RALYL: variants seen among roughly 807,000 people sequenced by gnomAD.
The protein encoded by RALYL is RNA-binding Raly-like protein.
Under a neutral mutation model 35.1 loss-of-function variants are expected in RALYL, and 29 were observed. The observed-to-expected ratio is 0.83, with a 90% confidence interval of 0.61 to 1.13. The LOEUF (loss-of-function observed/expected upper bound fraction) is 1.13, where lower values mean the gene tolerates loss of function less well. RALYL is among the 50% of genes most tolerant of loss of function. The pLI is 0.00. For missense variants in RALYL, 359 were observed against 360.4 expected, an observed-to-expected ratio of 1.00 and a Z score of 0.03; for synonymous variants, 120 against 127.6, an observed-to-expected ratio of 0.94 and a Z score of 0.40.
At chr8:84,392,693 AAT>A (rs1395047172) in intron 1 of RALYL, among the ~76,000 whole-genome samples, 1 of 152,020 alleles carries the variant, frequency 6.6e-6, no homozygotes, top group Admixed American at 6.6e-5. Flanking sequence ...TGGTTACAGG[AAT>A]ATTTCCTAGT....
intron 4 of RALYL, among the ~76,000 whole-genome samples, chr8:84,830,397 T>TG (rs1209944552): frequency 6.7e-6 from 1 of 149,756 alleles, no homozygotes; most frequent in Non-Finnish European, 1.5e-5. Context: ...AAATGGGGGG[T>TG]GGGGGTCTAA....
At chr8:84,267,039 CTGAGAGAGCGTATAAACA>C (rs1282159257) in intron 1 of RALYL, among the ~76,000 whole-genome samples, 1 of 150,976 alleles carries the variant, frequency 6.6e-6, no homozygotes, top group Admixed American at 6.6e-5. Context: ...GGGACTTATA[CTGAGAGAGCGTATAAACA>C]TGAGGACTTA....
chr8:84,436,773 C>T (rs934788100), intron 1 of RALYL, among the ~76,000 whole-genome samples: 2 of 151,204 alleles, frequency 1.3e-5, no homozygotes, highest in African/African-American at 4.8e-5. Context: ...ATAAACATAT[C>T]CATGACTCTC....
chr8:84,912,675 T>A (rs2135705702), intron 8 of RALYL, among the ~76,000 whole-genome samples: 1 of 152,094 alleles, frequency 6.6e-6, no homozygotes, highest in African/African-American at 2.4e-5. Context: ...CCAAAGTAAA[T>A]CTAAAAGTAA....
At chr8:84,419,303 T>G (rs1306437119) in intron 1 of RALYL, among the ~76,000 whole-genome samples, 11 of 152,146 alleles carry the variant, frequency 7.2e-5, no homozygotes, top group Admixed American at 7.2e-4. Context: ...CTTTTGGTAT[T>G]AACGTCTGTC....
At chr8:84,596,148 GAGA>G (rs35385007) in intron 2 of RALYL, among the ~76,000 whole-genome samples, 28,462 of 151,908 alleles carry the variant, frequency 0.19, 2,929 homozygotes, top group Non-Finnish European at 0.23. Flanking sequence ...TGTAAATTTT[GAGA>G]AGATGTCAGG....
intron 1 of RALYL, among the ~76,000 whole-genome samples, chr8:84,253,611 G>A (rs902798563): frequency 8.6e-5 from 13 of 151,944 alleles, no homozygotes; most frequent in African/African-American, 1.2e-4. Flanking sequence ...TTCAACCCCC[G>A]GGGTGCTGTT....
intron 2 of RALYL, among the ~76,000 whole-genome samples, chr8:84,641,375 T>C (rs1826283390): frequency 6.6e-6 from 1 of 151,770 alleles, no homozygotes; most frequent in South Asian, 2.1e-4. Context: ...CTGAACTATT[T>C]GTCAGATGTT....
In RALYL at chr8:84,183,396, G is replaced by C. The variant is rs1228460319; in HGVS notation, c.-1052G>C. Reference sequence around the variant, plus strand: ...GCCTCGCCAGCCAGAGTTGGGCTCCGTGGGCTTCCCCCCTCGCAGCCTCGG... The same window carrying C: ...GCCTCGCCAGCCAGAGTTGGGCTCCCTGGGCTTCCCCCCTCGCAGCCTCGG... On this transcript the variant is annotated 5_prime_UTR_variant, in exon 1 of 9. Coordinates refer to ENST00000521268, the MANE Select transcript of RALYL (RefSeq NM_173848.7). The C allele has an allele frequency of 6.5e-6, 1 of 153,712 alleles. No homozygotes were observed. The highest frequency in any genetic ancestry group is 2.4e-5 in the African/African-American group (1 of 41,458). 9.5% of individuals were successfully genotyped at this position (153,712 alleles called of 1,614,324 possible). A position where few individuals can be genotyped will look rare whatever the true frequency, so the allele number is the denominator to read the frequency against.
intron 1 of RALYL, among the ~76,000 whole-genome samples, chr8:84,301,137 T>G (rs1432239659): frequency 1.3e-5 from 2 of 152,048 alleles, no homozygotes; most frequent in South Asian, 4.1e-4. Context: ...CCTTTTTAAA[T>G]GAAGCTTAAT....
intron 1 of RALYL, among the ~76,000 whole-genome samples, chr8:84,215,851 C>T (rs866754251): frequency 7.2e-5 from 11 of 151,974 alleles, no homozygotes; most frequent in Middle Eastern, 3.2e-3. Flanking sequence ...ATAAGTAATG[C>T]GTACGCATGG....
chr8:84,585,592 C>T (rs1411436297), intron 2 of RALYL, among the ~76,000 whole-genome samples: 1 of 152,132 alleles, frequency 6.6e-6, no homozygotes, highest in Non-Finnish European at 1.5e-5. Context: ...AATGCTTCCT[C>T]AGTGACTGTT....
At chr8:84,798,159 C>T (rs531045309) in intron 3 of RALYL, among the ~76,000 whole-genome samples, 1 of 152,218 alleles carries the variant, frequency 6.6e-6, no homozygotes, top group East Asian at 1.9e-4. Context: ...TAACATGACT[C>T]CTGAATCTAT....
At chr8:84,207,660 T>C (rs1818367080) in intron 1 of RALYL, among the ~76,000 whole-genome samples, 1 of 152,036 alleles carries the variant, frequency 6.6e-6, no homozygotes, top group Non-Finnish European at 1.5e-5. Context: ...ACAGTGATTA[T>C]AGTTAATAAT....
At chr8:84,498,926 A>G (rs2056372985) in intron 1 of RALYL, among the ~76,000 whole-genome samples, 1 of 152,154 alleles carries the variant, frequency 6.6e-6, no homozygotes, top group African/African-American at 2.4e-5. Context: ...AGTTACAATT[A>G]GTTAACTCCT....
rs1278198422 is a variant in RALYL at position 84,426,469 on chromosome 8, T to TGGGG, written c.-23-102829_-23-102828insGGGG. Among the ~76,000 whole-genome samples, 11 of 147,970 alleles carry TGGGG rather than the reference T, an allele frequency of 7.4e-5. No homozygotes were observed. In the South Asian group the frequency reaches 2.6e-3, roughly 35 times the overall value. On this transcript the variant is annotated intron_variant, in intron 1 of 8. Transcript: ENST00000521268. ...GTGTGTGTGTGTGTGTGTGTGTGTG[T>TGGGG]GTGTGGGTTTAGATTTCACATATAA...
chr8:84,368,821 C>A (rs1855086256), intron 1 of RALYL, among the ~76,000 whole-genome samples: 1 of 152,102 alleles, frequency 6.6e-6, no homozygotes, highest in Admixed American at 6.6e-5. Flanking sequence ...GGGACACAAC[C>A]AAACCATATC....
In RALYL at chr8:84,887,889, G is replaced by A. The variant is rs1050733195; in HGVS notation, c.858+113G>A. ...CATTTGGGGCTTATTTCTCTTATAT[G>A]CATATATTTAAGGGAACATGAGTAT... On this transcript the variant is annotated intron_variant, in intron 8 of 8. Transcript: ENST00000521268. The A allele has an allele frequency of 9.6e-6, 9 of 941,074 alleles. No homozygotes were observed. The Admixed American group carries it at 2.2e-4, about 23-fold the overall frequency. 58.3% of individuals were successfully genotyped at this position (941,074 alleles called of 1,614,324 possible).
rs545440264 is a variant in RALYL at position 84,697,772 on chromosome 8, T to C, written c.257-76807T>C. ...CACCCTCCAAAGGCCCTAGTGTCTG[T>C]TTTTCCCCGCTATGTGTCCATATGT... is the stretch of plus-strand genomic sequence containing the variant. On this transcript the variant is annotated intron_variant, in intron 2 of 8. Coordinates refer to ENST00000521268, the MANE Select transcript of RALYL (RefSeq NM_173848.7). Among the ~76,000 whole-genome samples the C allele has an allele frequency of 2.0e-5, 3 of 152,080 alleles. No homozygotes were observed. In the East Asian group the frequency reaches 5.8e-4, roughly 29 times the overall value.
Sources: gnomAD v4.1 joint callset for allele counts (sites outside exome capture counted in the v4.1 genomes callset) on GRCh38, gnomAD v4.1.1 for gene constraint, MANE v1.5 for transcripts, NCBI Gene and HGNC (gene_info 2026-07-23, HGNC 2026-07-21) for gene names.